TRPM3: variants seen among roughly 807,000 people sequenced by gnomAD.
TRPM3 encodes the protein long transient receptor potential channel 3.
Under a neutral mutation model 181.2 loss-of-function variants are expected in TRPM3, and 77 were observed. The ratio of observed to expected loss-of-function variants is 0.42; its 90% CI spans 0.35 to 0.51. The LOEUF (loss-of-function observed/expected upper bound fraction) is 0.51. Ranked by LOEUF, TRPM3 falls within the 20% of genes least tolerant of loss-of-function variation. The pLI, the probability that TRPM3 is intolerant of heterozygous loss-of-function variation, is 0.01. For missense variants in TRPM3, 1,759 were observed against 2,196.7 expected, an observed-to-expected ratio of 0.80 and a Z score of 3.98; for synonymous variants, 745 against 796.4, an observed-to-expected ratio of 0.94 and a Z score of 1.09.
intron 1 of TRPM3, among the ~76,000 whole-genome samples, chr9:71,420,713 AAGAGAGAAAGAGAGAG>A (rs1565556867): frequency 7.8e-4 from 16 of 20,602 alleles, no homozygotes; most frequent in African/African-American, 2.4e-3. Context: ...GAGAGAAAGA[AAGAGAGAAAGAGAGAG>A]AGAGAGAAAG....
intron 1 of TRPM3, among the ~76,000 whole-genome samples, chr9:71,112,147 G>T (rs900134093): frequency 6.6e-6 from 1 of 152,044 alleles, no homozygotes; most frequent in Admixed American, 6.6e-5. Flanking sequence ...AAGCAAGGGT[G>T]GCCCCAGCAA....
At chr9:71,097,838 G>C (rs1164495836) in intron 1 of TRPM3, among the ~76,000 whole-genome samples, 2 of 152,068 alleles carry the variant, frequency 1.3e-5, no homozygotes, top group Non-Finnish European at 2.9e-5. Context: ...TTGGGGCCAA[G>C]AGGAACTTGG....
intron 1 of TRPM3, among the ~76,000 whole-genome samples, chr9:71,397,589 C>A (rs1047058719): frequency 6.6e-6 from 1 of 152,170 alleles, no homozygotes; most frequent in Non-Finnish European, 1.5e-5. Flanking sequence ...TGGATACATT[C>A]TTTCCAAAGC....
At chr9:71,196,725 T>A (rs7044311) in intron 1 of TRPM3, among the ~76,000 whole-genome samples, 40,318 of 151,898 alleles carry the variant, frequency 0.27, 5,964 homozygotes, top group Middle Eastern at 0.46. Context: ...TAAATGTTAT[T>A]TAGCAGTATT....
intron 1 of TRPM3, among the ~76,000 whole-genome samples, chr9:70,941,613 G>A (rs941050180): frequency 6.6e-6 from 1 of 152,198 alleles, no homozygotes; most frequent in Non-Finnish European, 1.5e-5. Flanking sequence ...GACTAATACA[G>A]TGTGGTATCT....
intron 1 of TRPM3, among the ~76,000 whole-genome samples, chr9:70,901,107 T>C (rs2133018905): frequency 6.6e-6 from 1 of 152,150 alleles, no homozygotes; most frequent in East Asian, 1.9e-4. Flanking sequence ...AAAATGAAAG[T>C]GACATGAAAA....
At chr9:70,966,143 A>G (rs1252173935) in intron 1 of TRPM3, among the ~76,000 whole-genome samples, 2 of 152,104 alleles carry the variant, frequency 1.3e-5, no homozygotes, top group East Asian at 1.9e-4. Flanking sequence ...GCATATGAAA[A>G]AAAGCTCAAC....
At chr9:70,923,670 C>G (rs1160572675) in intron 1 of TRPM3, among the ~76,000 whole-genome samples, 3 of 151,842 alleles carry the variant, frequency 2.0e-5, no homozygotes, top group Non-Finnish European at 4.4e-5. Flanking sequence ...TTCCTAAGAA[C>G]TTGCTTTAGG....
intron 1 of TRPM3, among the ~76,000 whole-genome samples, chr9:70,986,739 T>G (rs1342383020): frequency 6.6e-6 from 1 of 152,166 alleles, no homozygotes; most frequent in Admixed American, 6.5e-5. Context: ...AAAATGTGAA[T>G]GTGCAAAAAC....
At chr9:70,751,511 C>A (rs1028768424) in intron 8 of TRPM3, among the ~76,000 whole-genome samples, 13 of 151,940 alleles carry the variant, frequency 8.6e-5, no homozygotes, top group African/African-American at 2.7e-4. Flanking sequence ...CAAAAAATGA[C>A]ACAAAGAACA....
chr9:71,180,261 G>A (rs966471832), intron 1 of TRPM3, among the ~76,000 whole-genome samples: 1 of 151,828 alleles, frequency 6.6e-6, no homozygotes, highest in Non-Finnish European at 1.5e-5. Flanking sequence ...CACCATGTTG[G>A]TCAGGCTGGT....
Position 71,029,768 on chromosome 9 carries a change from T to C in TRPM3, c.177+91410A>G, listed in dbSNP as rs552210768. 5.3e-5 allele frequency among the ~76,000 whole-genome samples: 8 copies of C among 152,308 alleles called. No individual in the cohort carries two copies. The East Asian group carries it at 1.5e-3, about 29-fold the overall frequency. On this transcript the variant is annotated intron_variant, in intron 1 of 25. Coordinates refer to ENST00000677713, the MANE Select transcript of TRPM3 (RefSeq NM_001366145.2). Reference sequence around the variant, plus strand: ...GTATCAAGTTTTTTGGGTCCTTATATAGATATGTGCTCAAATGCCAATATT... The same window carrying C: ...GTATCAAGTTTTTTGGGTCCTTATACAGATATGTGCTCAAATGCCAATATT...
intron 12 of TRPM3, among the ~76,000 whole-genome samples, chr9:70,634,163 G>T (rs950690165): frequency 1.6e-4 from 24 of 152,184 alleles, no homozygotes; most frequent in Non-Finnish European, 2.6e-4. Flanking sequence ...AGGCTGGAGT[G>T]CAGTGGCACG....
At chr9:70,930,974 A>C (rs568695711) in intron 1 of TRPM3, among the ~76,000 whole-genome samples, 1 of 152,012 alleles carries the variant, frequency 6.6e-6, no homozygotes, top group Non-Finnish European at 1.5e-5. Context: ...ACCTCCAATA[A>C]CTGTATTTTC....
intron 11 of TRPM3, among the ~76,000 whole-genome samples, chr9:70,637,438 C>G (rs2057388561): frequency 6.6e-6 from 1 of 152,096 alleles, no homozygotes; most frequent in Non-Finnish European, 1.5e-5. Context: ...CTTCCTCAGT[C>G]TAGAATTTTC....
At chr9:71,256,217 G>T (rs2082662557) in intron 1 of TRPM3, among the ~76,000 whole-genome samples, 1 of 152,130 alleles carries the variant, frequency 6.6e-6, no homozygotes, top group Admixed American at 6.6e-5. Flanking sequence ...GCAGTTTCTG[G>T]GGATAATGGT....
intron 1 of TRPM3, among the ~76,000 whole-genome samples, chr9:71,056,486 T>C (rs955310499): frequency 2.0e-5 from 3 of 152,040 alleles, no homozygotes; most frequent in African/African-American, 7.2e-5. Flanking sequence ...GAGGGGTCAA[T>C]AGGCATGTGT....
chr9:70,816,844 G>T (rs186712772), intron 6 of TRPM3, among the ~76,000 whole-genome samples: 4 of 152,180 alleles, frequency 2.6e-5, no homozygotes, highest in Admixed American at 1.3e-4. Flanking sequence ...ACTAAACCAG[G>T]ATGGTCTAAA....
intron 22 of TRPM3, among the ~76,000 whole-genome samples, chr9:70,575,069 G>T (rs1005152161): frequency 6.6e-6 from 1 of 150,856 alleles, no homozygotes; most frequent in East Asian, 2.0e-4. Context: ...AACCTCTCAA[G>T]TAGCTGGGAC....
Sources: allele counts gnomAD v4.1 joint callset (sites outside exome capture counted in the v4.1 genomes callset), GRCh38; gene constraint gnomAD v4.1.1; transcripts MANE v1.5; gene names NCBI Gene and HGNC (gene_info 2026-07-23, HGNC 2026-07-21).